The following IKZF4 variants were observed in gnomAD, a reference collection of about 807,000 sequenced individuals.
IKZF4 encodes IKAROS family zinc finger 4.
In IKZF4, 11 loss-of-function variants were observed where a neutral mutation model predicts 47.7. The ratio of observed to expected loss-of-function variants is 0.23; its 90% confidence interval spans 0.15 to 0.38. The LOEUF (loss-of-function observed/expected upper bound fraction) is 0.38, where lower values mean the gene tolerates loss of function less well. IKZF4 is among the 10% of genes least tolerant of loss of function. The pLI, the probability that IKZF4 is intolerant of heterozygous loss-of-function variation, is 1.00. For synonymous variants in IKZF4, 298 were observed against 299.4 expected (o/e 1.00, Z 0.05); for missense variants, 557 against 784.9 (o/e 0.71, Z 3.47).
At chr12:56,026,060 G>A (rs773674281) in intron 3 of IKZF4, among the ~76,000 whole-genome samples, 18 of 151,998 alleles carry the variant, frequency 1.2e-4, no homozygotes, top group Non-Finnish European at 2.1e-4. Context: ...CTCAGCCTCC[G>A]AAGTAGCTGG....
chr12:56,027,141 T>C (rs1894154968), intron 4 of IKZF4, 100 bp downstream of exon 4: 7 of 1,190,546 alleles, frequency 5.9e-6, no homozygotes, highest in Non-Finnish European at 6.6e-6. Context: ...GAGGAGGTCA[T>C]GCAGGGAGTG....
In IKZF4 at chr12:56,026,771, C is replaced by T. The variant is rs774351219; in HGVS notation, c.287-10C>T. 5.2e-6 allele frequency: 8 copies of T among 1,543,346 alleles called. No individual in the cohort carries two copies. The highest frequency in any genetic ancestry group is 7.0e-6 in the Non-Finnish European group (8 of 1,141,792). ...CCTCTCTCTATTCTAAACACCATCC[C>T]ACCCCTCAGCCAACTCCATCAAGGT... is the stretch of plus-strand genomic sequence containing the variant. On this transcript the variant is annotated splice_polypyrimidine_tract_variant and intron_variant, in intron 3 of 7. Coordinates refer to ENST00000547167, the MANE Select transcript of IKZF4 (RefSeq NM_022465.4).
chr12:56,017,238 C>A (rs1041030340), upstream of IKZF4, among the ~76,000 whole-genome samples: 2 of 143,322 alleles, frequency 1.4e-5, no homozygotes, highest in African/African-American at 2.6e-5. Context: ...CCCCGCCCCC[C>A]CCGTCCTTTT....
chr12:56,023,535 G>C (rs1893430077), intron 1 of IKZF4, 136 bp from the exon 2 acceptor site: 7 of 1,081,180 alleles, frequency 6.5e-6, no homozygotes, highest in Middle Eastern at 2.1e-4. Flanking sequence ...AAGCCATAAG[G>C]CTTTTTCTAT....
chr12:56,024,148 A>G (rs1346786040), intron 2 of IKZF4, among the ~76,000 whole-genome samples: 1 of 152,244 alleles, frequency 6.6e-6, no homozygotes, highest in East Asian at 1.9e-4. Context: ...TGAAAGCCTC[A>G]AAAAGCATTT....
chr12:56,026,889 T>C lies in IKZF4; in HGVS notation c.395T>C (p.Leu132Ser), dbSNP rs748184668. 7 of 1,613,336 alleles carry C rather than the reference T, an allele frequency of 4.3e-6. No homozygotes were observed. In the East Asian group the frequency reaches 1.3e-4, roughly 31 times the overall value. Residue 132 changes from leucine (L) to serine (S), a missense_variant, in exon 4 of 8, where the codon TTG becomes TCG. By Grantham distance (145) the Leu-to-Ser change is moderately radical. Around this residue, in one of 6 missense-constraint regions of IKZF4, gnomAD observed 112 missense variants for 168.2 expected, o/e 0.67. Transcript: ENST00000547167. ...GACAGCGTGATTGTGGAAGATTCATTGTCTGAGCCCCTGGGCTACTGTGAT... is the reference window on the plus strand; with the variant it reads ...GACAGCGTGATTGTGGAAGATTCATCGTCTGAGCCCCTGGGCTACTGTGAT... ...KDDSVIVEDSLSEPLGYCDGS... is the reference protein window; with the variant it reads ...KDDSVIVEDSSSEPLGYCDGS...
At chr12:56,011,349 G>A (rs979550261) in intron 1 of IKZF4, 1 of 152,164 alleles carries the variant, frequency 6.6e-6, no homozygotes, top group Non-Finnish European at 1.5e-5. Context: ...GTCCTGAAAT[G>A]AGACATGGGA....
intron 3 of IKZF4, 105 bp from the exon 4 acceptor site, chr12:56,026,676 C>A: frequency 3.2e-6 from 4 of 1,255,492 alleles, no homozygotes; most frequent in Non-Finnish European, 4.2e-6. Flanking sequence ...GCAACAAGAG[C>A]GAAATTCCAT....
intron 5 of IKZF4, among the ~76,000 whole-genome samples, chr12:56,029,428 G>A (rs1360309371): frequency 3.3e-5 from 5 of 152,202 alleles, no homozygotes; most frequent in African/African-American, 1.2e-4. Context: ...TTGGGAAAAG[G>A]CAGGAAGAAA....
At position 56,033,302 on chromosome 12, in the gene IKZF4, C is replaced by T; in HGVS notation, c.978C>T (p.Ser326=). The T allele has an allele frequency of 1.2e-6, 2 of 1,614,024 alleles. No homozygotes were observed. The highest frequency in any genetic ancestry group is 1.7e-6 in the Non-Finnish European group (2 of 1,179,888). ...ATAGCCTCACCAAACGCAAGCGTTC[C>T]ACACCCCAGAAGTTTGTAGGTAAGA... ...LANSLTKRKR[S]TPQKFVGEKQ... is the part of the protein sequence containing the mutation. Residue 326 remains serine, a synonymous_variant, in exon 7 of 8, where the codon TCC becomes TCT. Transcript: ENST00000547167.
upstream of IKZF4, among the ~76,000 whole-genome samples, chr12:56,016,638 C>T (rs1019435637): frequency 2.6e-5 from 4 of 151,754 alleles, no homozygotes; most frequent in Non-Finnish European, 4.4e-5. Flanking sequence ...CTCTTGTTGC[C>T]CAGGCTGGAG....
At chr12:56,018,915 T>C (rs1465677390), upstream of IKZF4, among the ~76,000 whole-genome samples, 1 of 149,622 alleles carries the variant, frequency 6.7e-6, no homozygotes, top group African/African-American at 2.5e-5. Context: ...AAACCCCCTC[T>C]CTACTAAAAA....
rs1237445579 is a variant in IKZF4 at position 56,037,260 on chromosome 12, C to T, written c.*1929C>T. 1 of 152,632 alleles carries T rather than the reference C, an allele frequency of 6.6e-6. No individual in the cohort carries two copies. The highest frequency in any genetic ancestry group is 2.4e-5 in the African/African-American group (1 of 41,444). The allele number at this position is 152,632 out of a possible 1,614,324, so 9.5% of individuals were successfully genotyped here. ...AGAGAACCAGATTGGCAGGGAGAAGCATTGTGGGGCAATTGTTCCTCCTTG... is the reference window on the plus strand; with the variant it reads ...AGAGAACCAGATTGGCAGGGAGAAGTATTGTGGGGCAATTGTTCCTCCTTG... On this transcript the variant is annotated 3_prime_UTR_variant, in exon 8 of 8. Transcript: ENST00000547167.
chr12:56,033,402 T>C, intron 7 of IKZF4, 81 bp downstream of exon 7: 1 of 1,574,608 alleles, frequency 6.4e-7, no homozygotes, highest in South Asian at 1.1e-5. Flanking sequence ...GAGATTCGGT[T>C]TGGGGAAAGA....
At chr12:56,025,759 C>CTAT (rs1269126860) in intron 3 of IKZF4, among the ~76,000 whole-genome samples, 7 of 152,190 alleles carry the variant, frequency 4.6e-5, no homozygotes, top group Admixed American at 4.6e-4. Context: ...TCCAGGTTTG[C>CTAT]TCTCTTTGGC....
rs754508223 is a variant in IKZF4 at position 56,036,289 on chromosome 12, G to C, written c.*958G>C. ...TAATTGGGAACCAGGGCATGGGAAA[G>C]GAGTGGGTCAAAATTCTTCTCTTTC... On this transcript the variant is annotated 3_prime_UTR_variant, in exon 8 of 8. Coordinates refer to ENST00000547167, the MANE Select transcript of IKZF4 (RefSeq NM_022465.4). 9.2e-5 allele frequency: 14 copies of C among 152,768 alleles called. No individual in the cohort carries two copies. Among genetic ancestry groups the C allele is most frequent in the Admixed American group, 5.2e-4 (8 of 15,282 alleles). 9.5% of individuals were successfully genotyped at this position (152,768 alleles called of 1,614,324 possible). A position where few individuals can be genotyped will look rare whatever the true frequency, so the allele number is the denominator to read the frequency against.
intron 5 of IKZF4, 75 bp downstream of exon 5, chr12:56,028,022 G>T: frequency 1.4e-6 from 2 of 1,422,192 alleles, no homozygotes; most frequent in Non-Finnish European, 1.9e-6. Context: ...GACTTCTCTT[G>T]TATTTGGGGA....
At chr12:56,024,857 T>C in intron 2 of IKZF4, 197 bp from the exon 3 acceptor site, 1 of 1,461,436 alleles carries the variant, frequency 6.8e-7, no homozygotes, top group Non-Finnish European at 9.0e-7. Flanking sequence ...GCCCAGCCAC[T>C]GAGCTCACAG....
chr12:56,032,509 C>T (rs1895050052), intron 5 of IKZF4, 52 bp from the exon 6 acceptor site: 1 of 1,546,270 alleles, frequency 6.5e-7, no homozygotes, highest in South Asian at 1.2e-5. Flanking sequence ...TCTGCAGAGC[C>T]AGGGCACAGC....
Sources: allele counts gnomAD v4.1 joint callset (sites outside exome capture counted in the v4.1 genomes callset), GRCh38; gene constraint gnomAD v4.1.1; regional missense constraint gnomAD v4.1.1; transcripts MANE v1.5; gene names NCBI Gene and HGNC (gene_info 2026-07-23, HGNC 2026-07-21).